The following PHF21A variants were observed in gnomAD, a reference collection of about 807,000 sequenced individuals.
PHF21A encodes the protein BHC80a.
Under a neutral mutation model 82.5 loss-of-function variants are expected in PHF21A, and 11 were observed. The ratio of observed to expected loss-of-function variants is 0.13; its 90% CI spans 0.08 to 0.22. PHF21A has a LOEUF of 0.22. PHF21A is among the 10% of genes least tolerant of loss of function. The pLI is 1.00. For synonymous variants in PHF21A, 297 were observed against 302.8 expected (o/e 0.98, Z 0.20); for missense variants, 579 against 837.8 (o/e 0.69, Z 3.81).
chr11:45,974,280 A>G (rs1351075897), intron 7 of PHF21A, among the ~76,000 whole-genome samples: 3 of 152,114 alleles, frequency 2.0e-5, no homozygotes, highest in Admixed American at 6.6e-5. Flanking sequence ...TTTCCCAAGT[A>G]TTAGGGAACA....
In PHF21A at chr11:46,100,928, C is replaced by A. The variant is rs576656403; in HGVS notation, c.-236-8705G>T. Among the ~76,000 whole-genome samples, 3 of 152,130 alleles carry A rather than the reference C, an allele frequency of 2.0e-5. 1 individual carries two copies. In the South Asian group the frequency reaches 6.2e-4, roughly 32 times the overall value. On this transcript the variant is annotated intron_variant, in intron 1 of 18. Coordinates refer to ENST00000676320, the MANE Select transcript of PHF21A (RefSeq NM_001352027.3). The stretch of plus-strand genomic sequence containing the variant: ...TAGTCAAAAGTCCCTCCTTGACAAA[C>A]CATTTTATAAGTGAAACAAGCATTC...
chr11:45,974,737 G>C (rs1053364878), intron 7 of PHF21A, among the ~76,000 whole-genome samples: 21 of 152,082 alleles, frequency 1.4e-4, no homozygotes, highest in Non-Finnish European at 1.5e-5. Context: ...ACAGGCATGA[G>C]CCACCACACC....
chr11:46,021,522 GTGTGTGCGTGCA>G (rs770113422), intron 6 of PHF21A, among the ~76,000 whole-genome samples: 13 of 152,064 alleles, frequency 8.5e-5, no homozygotes, highest in Admixed American at 2.6e-4. Context: ...TATTGCACAT[GTGTGTGCGTGCA>G]TGTGTGTGTG....
At chr11:46,076,888 T>C (rs1172800700) in intron 5 of PHF21A, 69 bp from the exon 6 acceptor site, 12 of 1,210,754 alleles carry the variant, frequency 9.9e-6, no homozygotes, top group Non-Finnish European at 1.3e-5. Context: ...GCAGGAAGAC[T>C]ATGCATACTG....
intron 6 of PHF21A, among the ~76,000 whole-genome samples, chr11:45,985,138 T>A (rs1199338550): frequency 6.6e-6 from 1 of 152,204 alleles, no homozygotes; most frequent in African/African-American, 2.4e-5. Flanking sequence ...TGTTTATTTG[T>A]TGATGAGATC....
chr11:45,950,949 T>C (rs1011715686), intron 11 of PHF21A, among the ~76,000 whole-genome samples: 1 of 152,196 alleles, frequency 6.6e-6, no homozygotes, highest in Non-Finnish European at 1.5e-5. Flanking sequence ...AATACTATGA[T>C]TTTTCAATCA....
At chr11:46,057,554 T>C (rs1013490826) in intron 6 of PHF21A, among the ~76,000 whole-genome samples, 10 of 152,074 alleles carry the variant, frequency 6.6e-5, no homozygotes, top group Admixed American at 2.0e-4. Context: ...GCTTTTCAAA[T>C]AGAGGAAAAA....
At chr11:46,113,560 T>C (rs1490845533) in intron 1 of PHF21A, among the ~76,000 whole-genome samples, 2 of 152,238 alleles carry the variant, frequency 1.3e-5, no homozygotes, top group African/African-American at 2.4e-5. Context: ...CCGGGCGCGG[T>C]GGCTCACGCC....
chr11:46,060,175 C>A (rs886701030), intron 6 of PHF21A, among the ~76,000 whole-genome samples: 1 of 152,040 alleles, frequency 6.6e-6, no homozygotes, highest in African/African-American at 2.4e-5. Context: ...ATGACTTTTT[C>A]AAAACATGGA....
intron 1 of PHF21A, among the ~76,000 whole-genome samples, chr11:46,111,202 C>T (rs2097210088): frequency 6.6e-6 from 1 of 151,564 alleles, no homozygotes; most frequent in Admixed American, 6.6e-5. Context: ...GGCGTGGTGG[C>T]TCACGCCTGT....
At chr11:46,075,282 T>C (rs1196943869) in intron 6 of PHF21A, among the ~76,000 whole-genome samples, 1 of 152,210 alleles carries the variant, frequency 6.6e-6, no homozygotes, top group Admixed American at 6.5e-5. Context: ...TCCCCAAATG[T>C]AGTCTTAAGT....
chr11:45,957,751 CAAAAAAAA>C lies in PHF21A; in HGVS notation c.997-4134_997-4127del. 3.6e-4 allele frequency among the ~76,000 whole-genome samples: 22 copies of C among 60,914 alleles called. No individual in the cohort carries two copies. In the East Asian group the frequency reaches 6.5e-3, roughly 18 times the overall value. The allele number at this position is 60,914 out of a possible 152,430, so 40.0% of individuals were successfully genotyped here. On this transcript the variant is annotated intron_variant, in intron 10 of 18. Coordinates refer to ENST00000676320, the MANE Select transcript of PHF21A (RefSeq NM_001352027.3). The stretch of plus-strand genomic sequence containing the variant: ...AACAGAAAAAGAACTAAATTCAAAG[CAAAAAAAA>C]AAAAAAAAAAGAAAAAAGAAAATAA...
At chr11:45,984,442 C>T (rs748524691) in intron 6 of PHF21A, among the ~76,000 whole-genome samples, 2 of 152,194 alleles carry the variant, frequency 1.3e-5, no homozygotes, top group Admixed American at 6.5e-5. Flanking sequence ...GCCTCTGACA[C>T]TTCAAGTCAC....
chr11:46,039,893 A>C (rs534719753), intron 6 of PHF21A, among the ~76,000 whole-genome samples: 1 of 152,346 alleles, frequency 6.6e-6, no homozygotes, highest in East Asian at 1.9e-4. Flanking sequence ...CAATCTGTTT[A>C]GCTTTCTGCA....
intron 6 of PHF21A, among the ~76,000 whole-genome samples, chr11:46,021,519 CAT>C (rs1294011443): frequency 6.6e-6 from 1 of 152,026 alleles, no homozygotes; most frequent in East Asian, 1.9e-4. Context: ...CCTTATTGCA[CAT>C]GTGTGTGCGT....
chr11:46,071,440 T>C (rs1431687747), intron 6 of PHF21A, among the ~76,000 whole-genome samples: 1 of 152,162 alleles, frequency 6.6e-6, no homozygotes, highest in Non-Finnish European at 1.5e-5. Flanking sequence ...AGTGTGAAAA[T>C]AAACACTTAG....
intron 6 of PHF21A, among the ~76,000 whole-genome samples, chr11:46,016,766 C>T (rs753183759): frequency 6.6e-6 from 1 of 151,794 alleles, no homozygotes; most frequent in Non-Finnish European, 1.5e-5. Flanking sequence ...AGCTTGGCAG[C>T]CCTCAGAAAT....
chr11:45,992,995 T>C (rs763427142), intron 6 of PHF21A, among the ~76,000 whole-genome samples: 24 of 152,220 alleles, frequency 1.6e-4, no homozygotes, highest in Non-Finnish European at 3.2e-4. Flanking sequence ...AACTGAAAAC[T>C]ACCTTGCTGA....
chr11:45,973,653 T>C (rs923718894), intron 7 of PHF21A, among the ~76,000 whole-genome samples: 11 of 152,216 alleles, frequency 7.2e-5, no homozygotes, highest in Admixed American at 5.9e-4. Context: ...GGTATATTAA[T>C]AGTAGTGTAA....
Sources: allele counts gnomAD v4.1 joint callset (sites outside exome capture counted in the v4.1 genomes callset), GRCh38; gene constraint gnomAD v4.1.1; transcripts MANE v1.5; gene names NCBI Gene and HGNC (gene_info 2026-07-23, HGNC 2026-07-21).